LCE5A: variants seen among roughly 807,000 people sequenced by gnomAD.
The protein encoded by LCE5A is late cornified envelope protein 5A.
For synonymous variants in LCE5A, 51 were observed against 54.2 expected (o/e 0.94, Z 0.26); for missense variants, 139 against 147.2 (o/e 0.94, Z 0.29).
In LCE5A at chr1:152,511,561, G is replaced by A; in HGVS notation, c.27G>A (p.Gln9=). MSCQQSQQ[Q]CQPPPKCTPK... ...TGTCCTGCCAGCAGAGCCAGCAGCA[G>A]TGCCAGCCTCCTCCCAAATGTACCC... The change falls in exon 2 of 2, where the codon CAG becomes CAA. Residue 9 remains glutamine, a synonymous_variant. Transcript: ENST00000334269. 2 of 1,614,180 alleles carry A rather than the reference G, an allele frequency of 1.2e-6. No individual in the cohort carries two copies. The highest frequency in any genetic ancestry group is 1.7e-6 in the Non-Finnish European group (2 of 1,180,036).
In LCE5A at chr1:152,511,835, T is replaced by A; in HGVS notation, c.301T>A (p.Cys101Ser). Residue 101 changes from cysteine to serine, a missense_variant, in exon 2 of 2, where the codon TGC becomes AGC. Physicochemically the swap from Cys to Ser is moderately radical, Grantham distance 112 (BLOSUM62 -1). Coordinates refer to ENST00000334269, the MANE Select transcript of LCE5A (RefSeq NM_178438.5). The stretch of plus-strand genomic sequence containing the variant: ...TGGCCAGCAGTCTGGGGGCTCCAGC[T>A]GCTGCCACAGCTCTGGGGGCTCTGG... ...GSGQQSGGSSCCHSSGGSGCC... is the reference protein window; with the variant it reads ...GSGQQSGGSSSCHSSGGSGCC... 1 of 1,613,672 alleles carries A rather than the reference T, an allele frequency of 6.2e-7. No homozygotes were observed.
rs1400727728 is a variant in LCE5A at position 152,512,082 on chromosome 1, G to T, written c.*191G>T. The T allele has an allele frequency of 3.0e-5, 18 of 603,218 alleles. No homozygotes were observed. The highest frequency in any genetic ancestry group is 5.0e-5 in the Non-Finnish European group (17 of 338,890). 37.4% of individuals were successfully genotyped at this position (603,218 alleles called of 1,614,324 possible). On this transcript the variant is annotated 3_prime_UTR_variant, in exon 2 of 2. Transcript: ENST00000334269. ...TCTAGCTTGTGATATTTTCTGGCCT[G>T]GCTTTCCCTCTCAGACATAGCTCTT...
Position 152,512,090 on chromosome 1 carries a change from C to T in LCE5A, c.*199C>T, listed in dbSNP as rs977437425. On this transcript the variant is annotated 3_prime_UTR_variant, in exon 2 of 2. Transcript: ENST00000334269. ...GTGATATTTTCTGGCCTGGCTTTCC[C>T]TCTCAGACATAGCTCTTTGGAGAAC... 1.5e-5 allele frequency: 9 copies of T among 592,608 alleles called. No individual in the cohort carries two copies. The highest frequency in any genetic ancestry group is 2.7e-5 in the Non-Finnish European group (9 of 330,116). The allele number at this position is 592,608 out of a possible 1,614,324, so 36.7% of individuals were successfully genotyped here.
intron 1 of LCE5A, 48 bp downstream of exon 1, chr1:152,511,046 A>G (rs1167779392): frequency 1.3e-5 from 2 of 153,402 alleles, no homozygotes; most frequent in East Asian, 3.8e-4. Flanking sequence ...GTTCCAAGTT[A>G]TTCATTTGAA....
Position 152,512,126 on chromosome 1 carries a change from A to G in LCE5A, c.*235A>G. On this transcript the variant is annotated 3_prime_UTR_variant, in exon 2 of 2. Transcript: ENST00000334269. ...AGCTCTTTGGAGAACTAGGTGTTGT[A>G]ATTCAGTTATGAAGCTATTTTCTCT... 1.9e-6 allele frequency: 1 copy of G among 537,114 alleles called. No homozygotes were observed. Among genetic ancestry groups the G allele is most frequent in the Non-Finnish European group, 3.3e-6 (1 of 298,578 alleles). The allele number at this position is 537,114 out of a possible 1,614,324, so 33.3% of individuals were successfully genotyped here.
rs1571004964 is a variant in LCE5A at position 152,510,858 on chromosome 1, C to T, written c.-162C>T. ...AGTGCCTGAACCAGGTAGAGTGCTTCTCAGGACCAGGATGAACTCTTGGTG... is the reference window on the plus strand; with the variant it reads ...AGTGCCTGAACCAGGTAGAGTGCTTTTCAGGACCAGGATGAACTCTTGGTG... On this transcript the variant is annotated 5_prime_UTR_variant, in exon 1 of 2. Transcript: ENST00000334269. 6.6e-6 allele frequency: 1 copy of T among 152,432 alleles called. No homozygotes were observed. The highest frequency in any genetic ancestry group is 6.5e-5 in the Admixed American group (1 of 15,288). The allele number at this position is 152,432 out of a possible 1,614,324, so 9.4% of individuals were successfully genotyped here. A position where few individuals can be genotyped will look rare whatever the true frequency, so the allele number is the denominator to read the frequency against.
rs1658605019 is a variant in LCE5A, at chr1:152,512,079, C to T, written c.*188C>T. 2 of 604,688 alleles carry T rather than the reference C, an allele frequency of 3.3e-6. No individual in the cohort carries two copies. Among genetic ancestry groups the T allele is most frequent in the Non-Finnish European group, 5.9e-6 (2 of 339,588 alleles). The allele number at this position is 604,688 out of a possible 1,614,324, so 37.5% of individuals were successfully genotyped here. ...AAGTCTAGCTTGTGATATTTTCTGG[C>T]CTGGCTTTCCCTCTCAGACATAGCT... On this transcript the variant is annotated 3_prime_UTR_variant, in exon 2 of 2. Transcript: ENST00000334269.
Position 152,511,625 on chromosome 1 carries a change from A to G in LCE5A, c.91A>G (p.Lys31Glu), listed in dbSNP as rs1269016825. Reference protein sequence around the residue: ...PPKCTPKCPPKCPPKCPPQCS... With the variant: ...PPKCTPKCPPECPPKCPPQCS... ...CAAGTGTACTCCTAAGTGTCCTCCC[A>G]AGTGTCCCCCAAAATGCCCTCCCCA... The change falls in exon 2 of 2, where the codon AAG becomes GAG. Residue 31 changes from lysine to glutamate, a missense_variant. Physicochemically the swap from Lys to Glu is moderately conservative, Grantham distance 56. Transcript: ENST00000334269. 3 of 1,613,892 alleles carry G rather than the reference A, an allele frequency of 1.9e-6. No homozygotes were observed. The African/African-American group carries it at 4.0e-5, about 22-fold the overall frequency.
chr1:152,511,933 C>T lies in LCE5A; in HGVS notation c.*42C>T. ...CACGGAGGAGAAGGACTGGCAGATC[C>T]CAGGTGCTGAAGATGTGTGTCAGCC... On this transcript the variant is annotated 3_prime_UTR_variant, in exon 2 of 2. Coordinates refer to ENST00000334269, the MANE Select transcript of LCE5A (RefSeq NM_178438.5). 1.3e-6 allele frequency: 2 copies of T among 1,541,696 alleles called. No homozygotes were observed. Among genetic ancestry groups the T allele is most frequent in the African/African-American group, 1.4e-5 (1 of 72,800 alleles).
In LCE5A at chr1:152,511,854, G is replaced by C. The variant is rs143364582; in HGVS notation, c.320G>C (p.Gly107Ala). 140 of 1,613,284 alleles carry C rather than the reference G, an allele frequency of 8.7e-5. No individual in the cohort carries two copies. The African/African-American group carries it at 1.4e-3, about 16-fold the overall frequency. Residue 107 changes from glycine to alanine, a missense_variant, in exon 2 of 2, where the codon GGC (glycine) becomes GCC (alanine). Physicochemically the swap from Gly to Ala is moderately conservative, Grantham distance 60. Transcript: ENST00000334269. The stretch of plus-strand genomic sequence containing the variant: ...TCCAGCTGCTGCCACAGCTCTGGGG[G>C]CTCTGGCTGCTGCCACAGCTCTGGA... ...GGSSCCHSSG[G>A]SGCCHSSGGC...
At chr1:152,511,429 TG>T in intron 1 of LCE5A, 84 bp from the exon 2 acceptor site, 1 of 850,056 alleles carries the variant, frequency 1.2e-6, no homozygotes, top group Non-Finnish European at 1.9e-6. Context: ...TAATAAATTC[TG>T]GTCATCTTAG....
In LCE5A at chr1:152,511,504, T is replaced by G; in HGVS notation, c.-21-10T>G. ...CAAGGAAGTGACCTTGGGCTTGTAT[T>G]GTCTTTCAGCTTTATTCAGCTTCTA... On this transcript the variant is annotated splice_polypyrimidine_tract_variant and intron_variant, in intron 1 of 1. Coordinates refer to ENST00000334269, the MANE Select transcript of LCE5A (RefSeq NM_178438.5). 1 of 1,595,144 alleles carries G rather than the reference T, an allele frequency of 6.3e-7. No homozygotes were observed. The highest frequency in any genetic ancestry group is 1.1e-5 in the South Asian group (1 of 90,656).
In LCE5A at chr1:152,511,689, G is replaced by A. The variant is rs756560176; in HGVS notation, c.155G>A (p.Cys52Tyr). ...TGCCCACCTCCAGTCTCTTCCTGCT[G>A]TGGTTCCAGCTCTGGGGGCTGCTGC... ...APCPPPVSSC[C>Y]GSSSGGCCSS... The change falls in exon 2 of 2, where the codon TGT (cysteine) becomes TAT (tyrosine). Residue 52 changes from cysteine to tyrosine, a missense_variant. Physicochemically the swap from Cys to Tyr is radical, Grantham distance 194 (BLOSUM62 -2). Transcript: ENST00000334269. 32 of 1,614,066 alleles carry A rather than the reference G, an allele frequency of 2.0e-5. No individual in the cohort carries two copies. The highest frequency in any genetic ancestry group is 2.6e-5 in the Non-Finnish European group (31 of 1,180,050).
chr1:152,511,880 G>T lies in LCE5A; in HGVS notation c.346G>T (p.Gly116Cys). Residue 116 changes from glycine to cysteine, a missense_variant, in exon 2 of 2, where the codon GGC becomes TGC. Coordinates refer to ENST00000334269, the MANE Select transcript of LCE5A (RefSeq NM_178438.5). Reference protein sequence around the residue: ...GGSGCCHSSGGCC With the variant: ...GGSGCCHSSGCCC ...CTCTGGCTGCTGCCACAGCTCTGGA[G>T]GCTGCTGCTGACCTGGGCCATGAGG... 6.2e-7 allele frequency: 1 copy of T among 1,611,768 alleles called. No homozygotes were observed.
Position 152,511,677 on chromosome 1 carries a change from T to C in LCE5A, c.143T>C (p.Val48Ala). ...TGTTCAGCCCCATGCCCACCTCCAG[T>C]CTCTTCCTGCTGTGGTTCCAGCTCT... ...PQCSAPCPPP[V>A]SSCCGSSSGG... is the part of the protein sequence containing the mutation. The change falls in exon 2 of 2, where the codon GTC becomes GCC. Residue 48 changes from valine to alanine, a missense_variant. By Grantham distance (64) the Val-to-Ala change is moderately conservative (BLOSUM62 0). Transcript: ENST00000334269. The C allele has an allele frequency of 6.2e-7, 1 of 1,614,070 alleles. No homozygotes were observed. The highest frequency in any genetic ancestry group is 8.5e-7 in the Non-Finnish European group (1 of 1,180,018).
rs1658605019 is a variant in LCE5A at position 152,512,079 on chromosome 1, C to A, written c.*188C>A. On this transcript the variant is annotated 3_prime_UTR_variant, in exon 2 of 2. Coordinates refer to ENST00000334269, the MANE Select transcript of LCE5A (RefSeq NM_178438.5). ...AAGTCTAGCTTGTGATATTTTCTGG[C>A]CTGGCTTTCCCTCTCAGACATAGCT... 3.3e-6 allele frequency: 2 copies of A among 604,688 alleles called. No individual in the cohort carries two copies. Among genetic ancestry groups the A allele is most frequent in the East Asian group, 2.8e-5 (1 of 35,618 alleles). The allele number at this position is 604,688 out of a possible 1,614,324, so 37.5% of individuals were successfully genotyped here.
Position 152,511,072 on chromosome 1 carries a change from G to A in LCE5A, c.-22+74G>A, listed in dbSNP as rs575079103. Reference sequence around the variant, plus strand: ...TTCATTTGAAAATATGGAGTTACTAGGTGGAAATCATTTGTATCATTCTTG... The same window carrying A: ...TTCATTTGAAAATATGGAGTTACTAAGTGGAAATCATTTGTATCATTCTTG... On this transcript the variant is annotated intron_variant, in intron 1 of 1. Coordinates refer to ENST00000334269, the MANE Select transcript of LCE5A (RefSeq NM_178438.5). 3.2e-5 allele frequency: 5 copies of A among 154,264 alleles called. No homozygotes were observed. The South Asian group carries it at 1.0e-3, about 31-fold the overall frequency. 9.6% of individuals were successfully genotyped at this position (154,264 alleles called of 1,614,324 possible). A position where few individuals can be genotyped will look rare whatever the true frequency, so the allele number is the denominator to read the frequency against.
rs1339800777 is a variant in LCE5A, at chr1:152,510,806, C to G, written c.-214C>G. On this transcript the variant is annotated 5_prime_UTR_variant, in exon 1 of 2. Coordinates refer to ENST00000334269, the MANE Select transcript of LCE5A (RefSeq NM_178438.5). ...CAGAAGCTTCTGACAGCACCTCAGT[C>G]TACCTGTCTCCTGAGTGATCTGCTG... The G allele has an allele frequency of 6.6e-6, 1 of 152,376 alleles. No homozygotes were observed. The highest frequency in any genetic ancestry group is 1.5e-5 in the Non-Finnish European group (1 of 68,168). 9.4% of individuals were successfully genotyped at this position (152,376 alleles called of 1,614,324 possible).
chr1:152,511,932 C>A lies in LCE5A; in HGVS notation c.*41C>A. 6.5e-7 allele frequency: 1 copy of A among 1,541,230 alleles called. No individual in the cohort carries two copies. Among genetic ancestry groups the A allele is most frequent in the Non-Finnish European group, 8.8e-7 (1 of 1,139,104 alleles). Reference sequence around the variant, plus strand: ...GCACGGAGGAGAAGGACTGGCAGATCCCAGGTGCTGAAGATGTGTGTCAGC... The same window carrying A: ...GCACGGAGGAGAAGGACTGGCAGATACCAGGTGCTGAAGATGTGTGTCAGC... On this transcript the variant is annotated 3_prime_UTR_variant, in exon 2 of 2. Coordinates refer to ENST00000334269, the MANE Select transcript of LCE5A (RefSeq NM_178438.5).
Sources: allele counts gnomAD v4.1 joint callset, GRCh38; gene constraint gnomAD v4.1.1; transcripts MANE v1.5; gene names NCBI Gene and HGNC (gene_info 2026-07-23, HGNC 2026-07-21).